Variants in COL25A1 observed in about 807,000 individuals in gnomAD.
The protein encoded by COL25A1 is collagen type XXV alpha 1 chain.
Under a neutral mutation model 128.4 loss-of-function variants are expected in COL25A1, and 103 were observed. That is an observed-to-expected ratio of 0.80 (90% CI 0.68 to 0.94). COL25A1 has a LOEUF of 0.94. Ranked by LOEUF, COL25A1 falls within the 40% of genes least tolerant of loss-of-function variation. The pLI, the probability that COL25A1 is intolerant of heterozygous loss-of-function variation, is 0.00. For missense variants in COL25A1, 745 were observed against 840.0 expected (o/e 0.89, Z 1.40); for synonymous variants, 279 against 277.2 (o/e 1.01, Z -0.06).
chr4:109,281,447 A>G (rs138183537), intron 3 of COL25A1, among the ~76,000 whole-genome samples: 20 of 152,186 alleles, frequency 1.3e-4, no homozygotes, highest in African/African-American at 4.3e-4. Flanking sequence ...CAAATAAACA[A>G]GATTTTTTTT....
At chr4:109,049,576 A>G (rs536756516) in intron 4 of COL25A1, among the ~76,000 whole-genome samples, 4 of 152,346 alleles carry the variant, frequency 2.6e-5, no homozygotes, top group African/African-American at 9.6e-5. Context: ...TGAAAATTCT[A>G]GATTGATTAC....
chr4:109,290,053 A>T (rs1310732725), intron 3 of COL25A1, among the ~76,000 whole-genome samples: 1 of 152,086 alleles, frequency 6.6e-6, no homozygotes, highest in Non-Finnish European at 1.5e-5. Flanking sequence ...TATACAGGGG[A>T]TACATGTTAC....
At chr4:109,153,133 C>T (rs1343726034) in intron 3 of COL25A1, among the ~76,000 whole-genome samples, 2 of 152,112 alleles carry the variant, frequency 1.3e-5, no homozygotes, top group African/African-American at 4.8e-5. Flanking sequence ...TGCCTGTAAT[C>T]CCAGCACTTT....
At chr4:109,285,733 C>A (rs1723815404) in intron 3 of COL25A1, among the ~76,000 whole-genome samples, 1 of 152,148 alleles carries the variant, frequency 6.6e-6, no homozygotes. Context: ...AAAAGCAAAG[C>A]TAATAAACAC....
chr4:109,006,881 G>A (rs1420343272), intron 6 of COL25A1, among the ~76,000 whole-genome samples: 1 of 152,030 alleles, frequency 6.6e-6, no homozygotes, highest in Admixed American at 6.6e-5. Flanking sequence ...ACTCATTGTG[G>A]GGAGCAACAC....
intron 13 of COL25A1, among the ~76,000 whole-genome samples, chr4:108,911,802 GTTTTT>G (rs61235488): frequency 8.0e-6 from 1 of 124,400 alleles, no homozygotes; most frequent in Non-Finnish European, 1.7e-5. Context: ...TTGCTTCGCT[GTTTTT>G]TTTTTTTTTT....
chr4:108,992,894 G>A (rs1018125419), intron 6 of COL25A1, among the ~76,000 whole-genome samples: 2 of 151,750 alleles, frequency 1.3e-5, no homozygotes, highest in Non-Finnish European at 2.9e-5. Context: ...TGTATTCTGA[G>A]TCTCAAGTCA....
chr4:108,864,748 T>C (rs1737681695), intron 20 of COL25A1, among the ~76,000 whole-genome samples: 1 of 152,228 alleles, frequency 6.6e-6, no homozygotes, highest in Non-Finnish European at 1.5e-5. Context: ...TCATAATTAT[T>C]GCTGTTAATG....
At chr4:109,086,516 T>C (rs927281559) in intron 3 of COL25A1, among the ~76,000 whole-genome samples, 1 of 152,214 alleles carries the variant, frequency 6.6e-6, no homozygotes, top group South Asian at 2.1e-4. Context: ...GAGATCTTTA[T>C]AGTCGGATTT....
At chr4:108,937,225 G>A (rs77689814) in intron 11 of COL25A1, among the ~76,000 whole-genome samples, 5,532 of 152,108 alleles carry the variant, frequency 0.036, 173 homozygotes, top group African/African-American at 0.067. Context: ...TACTCTTCCC[G>A]AGCCACCAAC....
chr4:108,838,244 G>T (rs1435894357), intron 31 of COL25A1: 1 of 1,110,060 alleles, frequency 9.0e-7, no homozygotes, highest in Non-Finnish European at 1.3e-6. Flanking sequence ...AGAGAAGAGA[G>T]CCAGTCTCTG....
At chr4:108,842,695 T>G (rs2125752911) in intron 30 of COL25A1, among the ~76,000 whole-genome samples, 1 of 152,346 alleles carries the variant, frequency 6.6e-6, no homozygotes, top group African/African-American at 2.4e-5. Context: ...CTCATTTTAA[T>G]AATGGCTTAA....
chr4:109,227,507 T>G (rs1197668919), intron 3 of COL25A1, among the ~76,000 whole-genome samples: 1 of 152,240 alleles, frequency 6.6e-6, no homozygotes, highest in East Asian at 1.9e-4. Context: ...GGTTATAGTC[T>G]ACAAATTTTG....
chr4:108,932,761 G>A (rs557889148), intron 11 of COL25A1, among the ~76,000 whole-genome samples: 8 of 152,184 alleles, frequency 5.3e-5, no homozygotes, highest in East Asian at 1.9e-4. Context: ...CAAGAACATC[G>A]AAAGGAAAGA....
intron 6 of COL25A1, among the ~76,000 whole-genome samples, chr4:108,986,455 A>C (rs1259665011): frequency 6.6e-6 from 1 of 152,240 alleles, no homozygotes; most frequent in Non-Finnish European, 1.5e-5. Flanking sequence ...TTTCCTAAAA[A>C]TTGAGCCAAA....
chr4:109,062,032 TAC>T (rs1043584189), intron 3 of COL25A1, among the ~76,000 whole-genome samples: 2 of 152,200 alleles, frequency 1.3e-5, no homozygotes, highest in African/African-American at 4.8e-5. Context: ...AGCCTTGATA[TAC>T]ACACACTCTT....
intron 8 of COL25A1, among the ~76,000 whole-genome samples, chr4:108,961,266 A>G (rs1027754383): frequency 1.3e-5 from 2 of 152,198 alleles, no homozygotes; most frequent in African/African-American, 4.8e-5. Context: ...ATGAGTAAGT[A>G]TTCACACACA....
At chr4:108,822,043 A>ATT (rs10567518) in intron 35 of COL25A1, among the ~76,000 whole-genome samples, 12 of 89,996 alleles carry the variant, frequency 1.3e-4, no homozygotes, top group African/African-American at 2.9e-4. Flanking sequence ...CCTAATGGTA[A>ATT]TTTTTTTTTT....
At position 108,836,103 on chromosome 4, in the gene COL25A1, C is replaced by G. The variant is rs1338784582; in HGVS notation, c.1657-3670G>C. 5.3e-5 allele frequency among the ~76,000 whole-genome samples: 8 copies of G among 150,312 alleles called. No individual in the cohort carries two copies. In the Admixed American group the frequency reaches 5.3e-4, roughly 10 times the overall value. The stretch of plus-strand genomic sequence containing the variant: ...GCCAGGATGGTCTTGATCTCCTAAC[C>G]TGGTGATCCGCCCACCTCGGCCTCC... On this transcript the variant is annotated intron_variant, in intron 31 of 37. Transcript: ENST00000399132.
Sources: allele counts gnomAD v4.1 joint callset (sites outside exome capture counted in the v4.1 genomes callset), GRCh38; gene constraint gnomAD v4.1.1; transcripts MANE v1.5; gene names NCBI Gene and HGNC (gene_info 2026-07-23, HGNC 2026-07-21).